The following NCALD variants were observed in gnomAD, a reference collection of about 807,000 sequenced individuals.
NCALD encodes the protein neurocalcin delta, also known as neurocalcin-delta.
Under a neutral mutation model 18.6 loss-of-function variants are expected in NCALD, and 10 were observed. The ratio of observed to expected loss-of-function variants is 0.54; its 90% CI spans 0.33 to 0.91. The LOEUF (loss-of-function observed/expected upper bound fraction) is 0.91, where lower values mean the gene tolerates loss of function less well. Among genes scored for constraint, NCALD ranks in the 40% least tolerant of loss-of-function variants. The probability of loss-of-function intolerance (pLI) is 0.03; values close to 1 mark genes in which losing one functional copy is unlikely to be tolerated. For missense variants in NCALD, 184 were observed against 247.6 expected, an observed-to-expected ratio of 0.74 and a Z score of 1.72; for synonymous variants, 88 against 87.4, an observed-to-expected ratio of 1.01 and a Z score of -0.04.
intron 2 of NCALD, among the ~76,000 whole-genome samples, chr8:101,936,653 C>T (rs192290660): frequency 1.1e-4 from 16 of 152,280 alleles, no homozygotes; most frequent in Admixed American, 3.3e-4. Flanking sequence ...CAAACTGAGT[C>T]AAAATCTCTG....
intron 3 of NCALD, chr8:101,690,253 G>A: frequency 1.0e-6 from 1 of 985,374 alleles, no homozygotes; most frequent in Non-Finnish European, 1.2e-6. Flanking sequence ...CATTCCTGGT[G>A]CTTCCAGAAG....
At chr8:101,964,732 C>T (rs1819959048) in intron 2 of NCALD, among the ~76,000 whole-genome samples, 1 of 152,140 alleles carries the variant, frequency 6.6e-6, no homozygotes, top group South Asian at 2.1e-4. Flanking sequence ...TAAACATGTA[C>T]AGAAATCCAA....
chr8:101,786,677 T>G (rs1471882979), intron 1 of NCALD, among the ~76,000 whole-genome samples: 2 of 152,150 alleles, frequency 1.3e-5, no homozygotes, highest in Non-Finnish European at 1.5e-5. Context: ...TTTAAAAAAA[T>G]TCATCCTTGC....
intron 3 of NCALD, among the ~76,000 whole-genome samples, chr8:101,891,300 A>T (rs1372642283): frequency 6.6e-6 from 1 of 152,198 alleles, no homozygotes; most frequent in East Asian, 1.9e-4. Flanking sequence ...ATCCTTGACA[A>T]TCACTAATCT....
intron 1 of NCALD, among the ~76,000 whole-genome samples, chr8:101,782,729 A>G (rs1425629491): frequency 6.6e-6 from 1 of 152,156 alleles, no homozygotes; most frequent in African/African-American, 2.4e-5. Flanking sequence ...TTTAGGCCCA[A>G]CTCAAAGCTC....
chr8:102,063,448 T>C (rs1182989104), intron 1 of NCALD, among the ~76,000 whole-genome samples: 1 of 152,146 alleles, frequency 6.6e-6, no homozygotes, highest in Non-Finnish European at 1.5e-5. Context: ...GCACTAAAAA[T>C]GAATGAATAG....
At chr8:101,716,048 G>C (rs1291598922) in intron 2 of NCALD, among the ~76,000 whole-genome samples, 1 of 152,184 alleles carries the variant, frequency 6.6e-6, no homozygotes, top group Non-Finnish European at 1.5e-5. Context: ...ATTCACAATA[G>C]CAAAGACTTG....
At chr8:101,975,512 C>T (rs1476732561) in intron 2 of NCALD, among the ~76,000 whole-genome samples, 1 of 152,214 alleles carries the variant, frequency 6.6e-6, no homozygotes, top group Non-Finnish European at 1.5e-5. Flanking sequence ...CGGCCTTGCT[C>T]TATTGGAAAA....
chr8:101,937,334 C>G (rs1490726647), intron 2 of NCALD, among the ~76,000 whole-genome samples: 1 of 152,160 alleles, frequency 6.6e-6, no homozygotes, highest in Non-Finnish European at 1.5e-5. Flanking sequence ...GCTCCTCTCC[C>G]TCCTCCCACC....
chr8:101,880,946 A>G (rs921462591), intron 4 of NCALD, among the ~76,000 whole-genome samples: 4 of 152,226 alleles, frequency 2.6e-5, no homozygotes, highest in African/African-American at 7.2e-5. Flanking sequence ...GAATGTCATG[A>G]AAAGGACTTA....
At chr8:102,078,278 T>A (rs1289586561) in intron 1 of NCALD, among the ~76,000 whole-genome samples, 1 of 152,176 alleles carries the variant, frequency 6.6e-6, no homozygotes, top group East Asian at 1.9e-4. Flanking sequence ...ACCACCCTAA[T>A]CCCAGCTGCC....
intron 2 of NCALD, among the ~76,000 whole-genome samples, chr8:101,966,379 G>T (rs1820031468): frequency 6.6e-6 from 1 of 150,542 alleles, no homozygotes. Context: ...ACTATCGCAG[G>T]GACCAAAAAA....
intron 2 of NCALD, among the ~76,000 whole-genome samples, chr8:101,994,746 TGA>T (rs1312417363): frequency 6.6e-6 from 1 of 152,218 alleles, no homozygotes; most frequent in Non-Finnish European, 1.5e-5. Context: ...CTCTCAATGA[TGA>T]AATAGAATAG....
At chr8:102,033,159 C>G (rs764711770) in intron 1 of NCALD, among the ~76,000 whole-genome samples, 1 of 152,064 alleles carries the variant, frequency 6.6e-6, no homozygotes, top group African/African-American at 2.4e-5. Context: ...CTGATCAAGG[C>G]GCTAATTTCA....
chr8:101,887,512 A>G (rs1816718261), intron 3 of NCALD, among the ~76,000 whole-genome samples: 1 of 152,180 alleles, frequency 6.6e-6, no homozygotes, highest in African/African-American at 2.4e-5. Context: ...TACGCAGGCA[A>G]TTTATTACAG....
intron 4 of NCALD, among the ~76,000 whole-genome samples, chr8:101,843,808 CT>C (rs1482896017): frequency 6.6e-6 from 1 of 152,118 alleles, no homozygotes; most frequent in African/African-American, 2.4e-5. Context: ...TCTCGAACTC[CT>C]GGCCTCAAGT....
At chr8:101,846,883 G>A (rs567590272) in intron 4 of NCALD, among the ~76,000 whole-genome samples, 3 of 152,244 alleles carry the variant, frequency 2.0e-5, no homozygotes, top group Non-Finnish European at 4.4e-5. Flanking sequence ...CAACACAGGC[G>A]ATCATGGTGG....
chr8:101,704,531 A>G (rs937863309), intron 2 of NCALD, among the ~76,000 whole-genome samples: 44 of 152,348 alleles, frequency 2.9e-4, no homozygotes, highest in African/African-American at 1.1e-3. Flanking sequence ...TGGAGAATTC[A>G]AAGATCACAA....
At chr8:101,763,959 T>TCTCTCTCC (rs71935777) in intron 1 of NCALD, among the ~76,000 whole-genome samples, 1,586 of 125,302 alleles carry the variant, frequency 0.013, 47 homozygotes, top group East Asian at 0.1. Flanking sequence ...AATTTCTCTC[T>TCTCTCTCC]CTCTCTCCAC....
Sources: gnomAD v4.1 joint callset for allele counts (sites outside exome capture counted in the v4.1 genomes callset) on GRCh38, gnomAD v4.1.1 for gene constraint, MANE v1.5 for transcripts, NCBI Gene and HGNC (gene_info 2026-07-23, HGNC 2026-07-21) for gene names.